The following UNC79 variants were observed in gnomAD, a reference collection of about 807,000 sequenced individuals.
UNC79 encodes the protein unc-79 subunit of NALCN channel complex.
In UNC79, 37 loss-of-function variants were observed where a neutral mutation model predicts 283.1. That is an observed-to-expected ratio of 0.13 (90% CI 0.10 to 0.17). The LOEUF is 0.17. Among genes scored for constraint, UNC79 ranks in the 10% least tolerant of loss-of-function variants. The pLI, the probability that UNC79 is intolerant of heterozygous loss-of-function variation, is 1.00. For synonymous variants in UNC79, 1,107 were observed against 1,200.2 expected, an observed-to-expected ratio of 0.92 and a Z score of 1.61; for missense variants, 2,272 against 3,211.1, an observed-to-expected ratio of 0.71 and a Z score of 7.07.
At chr14:93,354,921 A>G (rs2054053615) in intron 1 of UNC79, among the ~76,000 whole-genome samples, 1 of 152,146 alleles carries the variant, frequency 6.6e-6, no homozygotes, top group African/African-American at 2.4e-5. Flanking sequence ...ATATAATGAG[A>G]AGTAGATCAT....
At chr14:93,515,995 C>A (rs1161439452) in intron 7 of UNC79, among the ~76,000 whole-genome samples, 1 of 151,244 alleles carries the variant, frequency 6.6e-6, no homozygotes, top group Admixed American at 6.6e-5. Flanking sequence ...AGTATATGAT[C>A]TATTTGGAAT....
intron 1 of UNC79, among the ~76,000 whole-genome samples, chr14:93,399,290 A>C (rs2055059773): frequency 6.6e-6 from 1 of 152,170 alleles, no homozygotes; most frequent in East Asian, 1.9e-4. Flanking sequence ...GGACACAGCC[A>C]AACCATATCA....
At chr14:93,692,860 A>T (rs928379615) in intron 46 of UNC79, among the ~76,000 whole-genome samples, 3 of 152,070 alleles carry the variant, frequency 2.0e-5, no homozygotes, top group East Asian at 3.9e-4. Context: ...TTGGAGGAGG[A>T]CTCTCAGCTG....
At chr14:93,570,083 A>G (rs769075334) in intron 14 of UNC79, among the ~76,000 whole-genome samples, 4 of 152,168 alleles carry the variant, frequency 2.6e-5, no homozygotes, top group Non-Finnish European at 4.4e-5. Context: ...AGTAAATGGA[A>G]CTACAGGTGC....
intron 14 of UNC79, among the ~76,000 whole-genome samples, chr14:93,570,745 CT>C (rs201617496): frequency 0.01 from 1,578 of 152,224 alleles, 27 homozygotes; most frequent in African/African-American, 0.036. Flanking sequence ...TCTAAAAATC[CT>C]TTTAAATATG....
chr14:93,349,107 G>A (rs1022036139), intron 1 of UNC79, among the ~76,000 whole-genome samples: 2 of 152,058 alleles, frequency 1.3e-5, no homozygotes, highest in South Asian at 2.1e-4. Flanking sequence ...AAGAAACTCC[G>A]GACACATTTG....
In UNC79 at chr14:93,378,044, A is replaced by C. The variant is rs11848518; in HGVS notation, c.-351+44521A>C. 5.6e-3 allele frequency among the ~76,000 whole-genome samples: 852 copies of C among 152,370 alleles called. 4 individuals carry two copies. The highest frequency in any genetic ancestry group is 0.018 in the African/African-American group (728 of 41,578). ...CTTGTTTTAGAAATCACTAAAAATA[A>C]GCCTATTGGTAAATGAGTTAGGGAT... is the stretch of plus-strand genomic sequence containing the variant. On this transcript the variant is annotated intron_variant, in intron 1 of 49. Coordinates refer to the UNC79 transcript ENST00000256339.
chr14:93,493,901 A>ATTT (rs71129642), intron 5 of UNC79, among the ~76,000 whole-genome samples: 21 of 49,248 alleles, frequency 4.3e-4, no homozygotes, highest in East Asian at 1.5e-3. Flanking sequence ...ATATATATAT[A>ATTT]TTTTTTTTTT....
chr14:93,641,060 AG>A (rs1159467637), intron 32 of UNC79, 84 bp from the exon 36 acceptor site: 1 of 1,092,928 alleles, frequency 9.1e-7, no homozygotes, highest in Non-Finnish European at 1.3e-6. Flanking sequence ...TGATCTTTGG[AG>A]GGTTTCTAAG....
rs568561154 is a variant in UNC79 at position 93,425,045 on chromosome 14, T to G, written c.-350-42626T>G. 7.2e-5 allele frequency among the ~76,000 whole-genome samples: 11 copies of G among 152,310 alleles called. No individual in the cohort carries two copies. In the South Asian group the frequency reaches 2.3e-3, roughly 32 times the overall value. On this transcript the variant is annotated intron_variant, in intron 1 of 49. Transcript: ENST00000256339. ...AAAAAAATTCACATGGCAGGTGTATTAGTCCATTTTCATGCTGCTATAAAG... is the reference window on the plus strand; with the variant it reads ...AAAAAAATTCACATGGCAGGTGTATGAGTCCATTTTCATGCTGCTATAAAG...
At chr14:93,556,273 G>A (rs1343148071) in intron 14 of UNC79, among the ~76,000 whole-genome samples, 5 of 150,492 alleles carry the variant, frequency 3.3e-5, no homozygotes, top group Non-Finnish European at 5.9e-5. Flanking sequence ...TTTTATGTAT[G>A]TAAACACAAA....
intron 40 of UNC79, among the ~76,000 whole-genome samples, 192 bp downstream of exon 43, chr14:93,662,906 A>G (rs2071757932): frequency 6.6e-6 from 1 of 152,064 alleles, no homozygotes; most frequent in East Asian, 1.9e-4. Flanking sequence ...ACACACACAA[A>G]CACACATACA....
chr14:93,521,698 G>A (rs576970580), intron 7 of UNC79, among the ~76,000 whole-genome samples: 4 of 150,948 alleles, frequency 2.6e-5, no homozygotes, highest in African/African-American at 7.3e-5. Flanking sequence ...GGGAAGGCAA[G>A]TCTAATACCA....
upstream of UNC79, among the ~76,000 whole-genome samples, chr14:93,426,128 G>A (rs1230845119): frequency 6.6e-6 from 1 of 151,982 alleles, no homozygotes; most frequent in Non-Finnish European, 1.5e-5. Flanking sequence ...TTTCTTTTTA[G>A]TATGGTAAAG....
intron 5 of UNC79, among the ~76,000 whole-genome samples, chr14:93,490,039 T>C (rs1307111540): frequency 2.0e-5 from 3 of 152,060 alleles, no homozygotes; most frequent in African/African-American, 7.2e-5. Context: ...GGCACTGGGG[T>C]ATAGGACTGA....
chr14:93,398,150 CT>C lies in UNC79; in HGVS notation c.-351+64628del, dbSNP rs538569630. On this transcript the variant is annotated intron_variant, in intron 1 of 49. Transcript: ENST00000256339. ...AGTAGTACTTCACTAGAAAAAAAGTCTGGCTGTTCTGTTTTACAAGATATAG... is the reference window on the plus strand; with the variant it reads ...AGTAGTACTTCACTAGAAAAAAAGTCGGCTGTTCTGTTTTACAAGATATAG... Among the ~76,000 whole-genome samples, 540 of 152,214 alleles carry C rather than the reference CT, an allele frequency of 3.5e-3. 5 individuals carry two copies. Among genetic ancestry groups the C allele is most frequent in the African/African-American group, 0.012 (518 of 41,528 alleles).
chr14:93,587,308 A>G (rs916973452), intron 22 of UNC79, among the ~76,000 whole-genome samples: 2 of 152,194 alleles, frequency 1.3e-5, no homozygotes, highest in Admixed American at 1.3e-4. Context: ...TCCATATACT[A>G]TCTGATAAGT....
intron 38 of UNC79, among the ~76,000 whole-genome samples, chr14:93,657,343 T>G (rs2140389678): frequency 7.2e-6 from 1 of 138,090 alleles, no homozygotes; most frequent in East Asian, 2.0e-4. Flanking sequence ...TGGGATGAGG[T>G]ATGGCAAATT....
At chr14:93,624,177 G>C (rs2067361105) in intron 30 of UNC79, among the ~76,000 whole-genome samples, 6 of 152,068 alleles carry the variant, frequency 3.9e-5, no homozygotes, top group Admixed American at 3.9e-4. Context: ...TTTTTTATTT[G>C]CCCCAGGCAT....
Sources: gnomAD v4.1 joint callset for allele counts (sites outside exome capture counted in the v4.1 genomes callset) on GRCh38, gnomAD v4.1.1 for gene constraint, MANE v1.5 for transcripts, NCBI Gene and HGNC (gene_info 2026-07-23, HGNC 2026-07-21) for gene names.